The following UTP23 variants were observed in gnomAD, a reference collection of about 807,000 sequenced individuals.
UTP23 encodes rRNA-processing protein UTP23 homolog.
A neutral mutation model predicts 19.8 loss-of-function variants in UTP23; 10 were observed. The ratio of observed to expected loss-of-function variants is 0.50; its 90% CI spans 0.31 to 0.86. UTP23 has a LOEUF of 0.86. Ranked by LOEUF, UTP23 falls within the 40% of genes least tolerant of loss-of-function variation. UTP23 has a pLI of 0.05. For synonymous variants in UTP23, 108 were observed against 105.4 expected (o/e 1.02, Z -0.15); for missense variants, 282 against 293.1 (o/e 0.96, Z 0.28).
chr8:116,771,945 T>C lies in UTP23; in HGVS notation c.*103T>C. ...AAACTTATTTTTGTAAATGAACCCA[T>C]ATGCTTTAGCTAAAATTAATTATAA... On this transcript the variant is annotated 3_prime_UTR_variant, in exon 3 of 3. Coordinates refer to ENST00000309822, the MANE Select transcript of UTP23 (RefSeq NM_032334.3). 6.9e-7 allele frequency: 1 copy of C among 1,458,228 alleles called. No individual in the cohort carries two copies. Among genetic ancestry groups the C allele is most frequent in the Non-Finnish European group, 9.0e-7 (1 of 1,115,864 alleles). The allele number at this position is 1,458,228 out of a possible 1,614,324, so 90.3% of individuals were successfully genotyped here.
At position 116,767,377 on chromosome 8, in the gene UTP23, G is replaced by A. The variant is rs868428914; in HGVS notation, c.188+586G>A. ...CCAAGCACATTTGTTTATTCAACTC[G>A]CTTTATTAAGTACCTCCTATATGCC... On this transcript the variant is annotated intron_variant, in intron 1 of 2. Transcript: ENST00000309822. Among the ~76,000 whole-genome samples, 5 of 152,280 alleles carry A rather than the reference G, an allele frequency of 3.3e-5. No individual in the cohort carries two copies. In the South Asian group the frequency reaches 1.0e-3, roughly 32 times the overall value.
chr8:116,770,613 T>TTTTG (rs1219068462), intron 2 of UTP23: 5 of 354,954 alleles, frequency 1.4e-5, no homozygotes, highest in African/African-American at 1.0e-4. Flanking sequence ...GTTTTGCTTT[T>TTTTG]TTTGTTTGTT....
intron 2 of UTP23, 73 bp downstream of exon 2, chr8:116,770,439 C>A: frequency 1.4e-6 from 2 of 1,401,808 alleles, no homozygotes; most frequent in East Asian, 2.3e-5. Flanking sequence ...TATTTATAAT[C>A]AGAAAAAAGT....
In UTP23 at chr8:116,771,438, C is replaced by A; in HGVS notation, c.364-18C>A. 1 of 1,420,576 alleles carries A rather than the reference C, an allele frequency of 7.0e-7. No individual in the cohort carries two copies. Among genetic ancestry groups the A allele is most frequent in the South Asian group, 1.9e-5 (1 of 52,832 alleles). 88.0% of individuals were successfully genotyped at this position (1,420,576 alleles called of 1,614,324 possible). A position where few individuals can be genotyped will look rare whatever the true frequency, so the allele number is the denominator to read the frequency against. On this transcript the variant is annotated intron_variant, in intron 2 of 2. Transcript: ENST00000309822. ...TAATTGACATTTGAACTAAATAATT[C>A]TGTTTTCTTTTAAATAGGATCAGAA...
chr8:116,768,092 G>A (rs1401269913), intron 1 of UTP23, among the ~76,000 whole-genome samples: 2 of 152,150 alleles, frequency 1.3e-5, no homozygotes, highest in Non-Finnish European at 2.9e-5. Context: ...CTTTTTCTGT[G>A]TATACTGTGT....
chr8:116,773,523 A>T lies in UTP23; in HGVS notation c.*1681A>T. ...AAATTACAATGTATTAGTAAGTTTAATATTTTGACAGGGCATGGTGGCTCA... is the reference window on the plus strand; with the variant it reads ...AAATTACAATGTATTAGTAAGTTTATTATTTTGACAGGGCATGGTGGCTCA... On this transcript the variant is annotated 3_prime_UTR_variant, in exon 3 of 3. Transcript: ENST00000309822. 6 of 982,458 alleles carry T rather than the reference A, an allele frequency of 6.1e-6. No homozygotes were observed. The highest frequency in any genetic ancestry group is 7.3e-6 in the Non-Finnish European group (6 of 827,212). 60.9% of individuals were successfully genotyped at this position (982,458 alleles called of 1,614,324 possible). A position where few individuals can be genotyped will look rare whatever the true frequency, so the allele number is the denominator to read the frequency against.
chr8:116,766,867 C>T lies in UTP23; in HGVS notation c.188+76C>T, dbSNP rs1815588704. On this transcript the variant is annotated intron_variant, in intron 1 of 2. Transcript: ENST00000309822. ...AGAGGCGAGGCCGTTGCTCACAGAC[C>T]TTCATTGCGAGCTCAGGAGGTGCAA... The T allele has an allele frequency of 4.4e-6, 6 of 1,366,838 alleles. No individual in the cohort carries two copies. In the Admixed American group the frequency reaches 8.6e-5, roughly 20 times the overall value. The allele number at this position is 1,366,838 out of a possible 1,614,324, so 84.7% of individuals were successfully genotyped here.
In UTP23 at chr8:116,773,282, C is replaced by T; in HGVS notation, c.*1440C>T. On this transcript the variant is annotated 3_prime_UTR_variant, in exon 3 of 3. Transcript: ENST00000309822. ...GAGGAAAGTTAACATTTGTCAATGA[C>T]AAGCATTAAGGCCACCTAATAAAGT... 2 of 985,268 alleles carry T rather than the reference C, an allele frequency of 2.0e-6. No homozygotes were observed. Among genetic ancestry groups the T allele is most frequent in the Non-Finnish European group, 1.2e-6 (1 of 829,904 alleles). 61.0% of individuals were successfully genotyped at this position (985,268 alleles called of 1,614,324 possible).
chr8:116,772,158 G>C lies in UTP23; in HGVS notation c.*316G>C. ...GTTCGTGTCACTTCACTCCAGCCTG[G>C]GCAACAGAGTGAGAACATGTCTCAA... On this transcript the variant is annotated 3_prime_UTR_variant, in exon 3 of 3. Transcript: ENST00000309822. The C allele has an allele frequency of 9.7e-7, 1 of 1,032,496 alleles. No homozygotes were observed. The highest frequency in any genetic ancestry group is 1.2e-6 in the Non-Finnish European group (1 of 861,040). The allele number at this position is 1,032,496 out of a possible 1,614,324, so 64.0% of individuals were successfully genotyped here. A position where few individuals can be genotyped will look rare whatever the true frequency, so the allele number is the denominator to read the frequency against.
At position 116,773,381 on chromosome 8, in the gene UTP23, A is replaced by G; in HGVS notation, c.*1539A>G. 1 of 974,256 alleles carries G rather than the reference A, an allele frequency of 1.0e-6. No homozygotes were observed. Among genetic ancestry groups the G allele is most frequent in the Non-Finnish European group, 1.2e-6 (1 of 819,724 alleles). The allele number at this position is 974,256 out of a possible 1,614,324, so 60.4% of individuals were successfully genotyped here. A position where few individuals can be genotyped will look rare whatever the true frequency, so the allele number is the denominator to read the frequency against. ...ATGCTAAAATACATTAAATTTAGGTATTACTCTTAATCTATTTCTACTTAG... is the reference window on the plus strand; with the variant it reads ...ATGCTAAAATACATTAAATTTAGGTGTTACTCTTAATCTATTTCTACTTAG... On this transcript the variant is annotated 3_prime_UTR_variant, in exon 3 of 3. Transcript: ENST00000309822.
In UTP23 at chr8:116,773,150, G is replaced by A. The variant is rs115224969; in HGVS notation, c.*1308G>A. 2.4e-3 allele frequency: 2,326 copies of A among 985,426 alleles called. 45 individuals carry two copies. In the African/African-American group the frequency reaches 0.035, roughly 15 times the overall value. The allele number at this position is 985,426 out of a possible 1,614,324, so 61.0% of individuals were successfully genotyped here. A position where few individuals can be genotyped will look rare whatever the true frequency, so the allele number is the denominator to read the frequency against. On this transcript the variant is annotated 3_prime_UTR_variant, in exon 3 of 3. Coordinates refer to ENST00000309822, the MANE Select transcript of UTP23 (RefSeq NM_032334.3). Reference sequence around the variant, plus strand: ...TAGACTAATCTGGCAAGCCAAGGTAGTGTTTGGATTGCAATGTCATGATTC... The same window carrying A: ...TAGACTAATCTGGCAAGCCAAGGTAATGTTTGGATTGCAATGTCATGATTC...
Position 116,766,663 on chromosome 8 carries a change from C to A in UTP23, c.60C>A (p.Phe20Leu), listed in dbSNP as rs1348138931. The change falls in exon 1 of 3, where the codon TTC becomes TTA. Residue 20 changes from phenylalanine (F) to leucine (L), a missense_variant. By Grantham distance (22) the Phe-to-Leu change is conservative. Coordinates refer to ENST00000309822, the MANE Select transcript of UTP23 (RefSeq NM_032334.3). ...ATCTTGGCTTCTTCCGCAACAACTT[C>A]GGAGTCCGCGAGCCGTACCAGATCC... ...KKHLGFFRNN[F>L]GVREPYQILL... is the part of the protein sequence containing the mutation. 1.3e-6 allele frequency: 2 copies of A among 1,585,994 alleles called. No individual in the cohort carries two copies. Among genetic ancestry groups the A allele is most frequent in the East Asian group, 4.6e-5 (2 of 43,180 alleles).
In UTP23 at chr8:116,773,867, T is replaced by C. The variant is rs1210472298; in HGVS notation, c.*2025T>C. 1 of 868,808 alleles carries C rather than the reference T, an allele frequency of 1.2e-6. No individual in the cohort carries two copies. Among genetic ancestry groups the C allele is most frequent in the Non-Finnish European group, 1.4e-6 (1 of 723,822 alleles). The allele number at this position is 868,808 out of a possible 1,614,324, so 53.8% of individuals were successfully genotyped here. On this transcript the variant is annotated 3_prime_UTR_variant, in exon 3 of 3. Transcript: ENST00000309822. ...AAACTGGTTAATCATTTATGTATTT[T>C]GCCAGTAAAATTACTTTAAAAGATA... is the stretch of plus-strand genomic sequence containing the variant.
chr8:116,772,358 A>G lies in UTP23; in HGVS notation c.*516A>G. 7.1e-6 allele frequency: 7 copies of G among 984,526 alleles called. No homozygotes were observed. The highest frequency in any genetic ancestry group is 8.4e-6 in the Non-Finnish European group (7 of 829,078). The allele number at this position is 984,526 out of a possible 1,614,324, so 61.0% of individuals were successfully genotyped here. A position where few individuals can be genotyped will look rare whatever the true frequency, so the allele number is the denominator to read the frequency against. On this transcript the variant is annotated 3_prime_UTR_variant, in exon 3 of 3. Transcript: ENST00000309822. ...ATCTTACAGTTCTAAAAGGCTTGTG[A>G]CAAAAAAAGAGGCAGTCCCTCTTTC... is the stretch of plus-strand genomic sequence containing the variant.
intron 2 of UTP23, 148 bp from the exon 3 acceptor site, chr8:116,771,308 A>G (rs569405165): frequency 3.5e-6 from 2 of 567,328 alleles, no homozygotes; most frequent in Admixed American, 8.2e-5. Context: ...CATGAAATAT[A>G]CCCCCATTAC....
In UTP23 at chr8:116,773,423, A is replaced by G; in HGVS notation, c.*1581A>G. 2 of 977,636 alleles carry G rather than the reference A, an allele frequency of 2.0e-6. No individual in the cohort carries two copies. The highest frequency in any genetic ancestry group is 2.4e-6 in the Non-Finnish European group (2 of 822,824). 60.6% of individuals were successfully genotyped at this position (977,636 alleles called of 1,614,324 possible). A position where few individuals can be genotyped will look rare whatever the true frequency, so the allele number is the denominator to read the frequency against. On this transcript the variant is annotated 3_prime_UTR_variant, in exon 3 of 3. Coordinates refer to ENST00000309822, the MANE Select transcript of UTP23 (RefSeq NM_032334.3). ...TCTACTTAGTCAGTGCTATCTGATTACCTGTTAATAGCATCTGAACTGGAG... is the reference window on the plus strand; with the variant it reads ...TCTACTTAGTCAGTGCTATCTGATTGCCTGTTAATAGCATCTGAACTGGAG...
rs774259773 is a variant in UTP23 at position 116,766,666 on chromosome 8, A to G, written c.63A>G (p.Gly21=). The G allele has an allele frequency of 2.5e-6, 4 of 1,568,902 alleles. No individual in the cohort carries two copies. Among genetic ancestry groups the G allele is most frequent in the Non-Finnish European group, 3.4e-6 (4 of 1,161,176 alleles). Residue 21 remains glycine (G), a synonymous_variant, in exon 1 of 3, where the codon GGA becomes GGG. Transcript: ENST00000309822. ...TTGGCTTCTTCCGCAACAACTTCGG[A>G]GTCCGCGAGCCGTACCAGATCCTGC... ...KHLGFFRNNF[G]VREPYQILLD...
Position 116,772,043 on chromosome 8 carries a change from A to G in UTP23, c.*201A>G, listed in dbSNP as rs1815664289. On this transcript the variant is annotated 3_prime_UTR_variant, in exon 3 of 3. Coordinates refer to ENST00000309822, the MANE Select transcript of UTP23 (RefSeq NM_032334.3). ...ACTAAAATACAAAAATTAGCTGGGC[A>G]TGATGGTGCACAGTTGTAATTCCAG... The G allele has an allele frequency of 4.0e-6, 5 of 1,238,026 alleles. No homozygotes were observed. The African/African-American group carries it at 6.3e-5, about 16-fold the overall frequency. 76.7% of individuals were successfully genotyped at this position (1,238,026 alleles called of 1,614,324 possible). A position where few individuals can be genotyped will look rare whatever the true frequency, so the allele number is the denominator to read the frequency against.
intron 1 of UTP23, among the ~76,000 whole-genome samples, chr8:116,767,721 T>C (rs1264376675): frequency 1.3e-5 from 2 of 151,782 alleles, no homozygotes; most frequent in Non-Finnish European, 2.9e-5. Flanking sequence ...TATTTGGGAG[T>C]GAAACTAGGA....
Sources: gnomAD v4.1 joint callset for allele counts (sites outside exome capture counted in the v4.1 genomes callset) on GRCh38, gnomAD v4.1.1 for gene constraint, MANE v1.5 for transcripts, NCBI Gene and HGNC (gene_info 2026-07-23, HGNC 2026-07-21) for gene names.